The following TG variants were observed in gnomAD, a reference collection of about 807,000 sequenced individuals.
The protein encoded by TG is thyroglobulin, also known as thyroid hormones.
TG carries 270 observed loss-of-function variants against 324.7 expected under a neutral mutation model. The ratio of observed to expected loss-of-function variants is 0.83; its 90% confidence interval spans 0.75 to 0.92. TG has a LOEUF of 0.92. TG is among the 40% of genes least tolerant of loss of function. The pLI, the probability that TG is intolerant of heterozygous loss-of-function variation, is 0.00. For synonymous variants in TG, 1,401 were observed against 1,327.0 expected, an observed-to-expected ratio of 1.06 and a Z score of -1.21; for missense variants, 3,591 against 3,456.4, an observed-to-expected ratio of 1.04 and a Z score of -0.98.
At position 132,935,742 on chromosome 8, in the gene TG, C is replaced by G; in HGVS notation, c.4933-14C>G. The G allele has an allele frequency of 6.2e-7, 1 of 1,601,762 alleles. No individual in the cohort carries two copies. The highest frequency in any genetic ancestry group is 8.5e-7 in the Non-Finnish European group (1 of 1,169,934). On this transcript the variant is annotated splice_polypyrimidine_tract_variant and intron_variant, in intron 24 of 47. Transcript: ENST00000220616. ...GTATTGCAGGATAATAATGCAGCAT[C>G]TTTCCATCTCCAGAAACGAGATGCA...
chr8:132,967,144 T>TCCAC (rs777863839), intron 30 of TG, among the ~76,000 whole-genome samples: 34 of 148,608 alleles, frequency 2.3e-4, no homozygotes, highest in African/African-American at 8.3e-4. Flanking sequence ...CATCCATCCA[T>TCCAC]CCATCCATCC....
At chr8:133,123,696 A>G (rs1329615433) in intron 45 of TG, among the ~76,000 whole-genome samples, 2 of 149,050 alleles carry the variant, frequency 1.3e-5, no homozygotes, top group Non-Finnish European at 3.0e-5. Context: ...AAGGACTCAG[A>G]CCCTGTGGCC....
intron 42 of TG, among the ~76,000 whole-genome samples, chr8:133,095,906 T>C (rs1284423953): frequency 6.6e-6 from 1 of 152,144 alleles, no homozygotes; most frequent in East Asian, 1.9e-4. Flanking sequence ...TCAACCACTG[T>C]CTCCTCCTGC....
chr8:132,912,672 G>A (rs1039205559), intron 19 of TG, among the ~76,000 whole-genome samples: 1 of 152,122 alleles, frequency 6.6e-6, no homozygotes, highest in Non-Finnish European at 1.5e-5. Flanking sequence ...TTTTTCAGGT[G>A]GGAAAACTAA....
At chr8:133,134,499 C>T (rs557646538) in intron 47 of TG, among the ~76,000 whole-genome samples, 177 bp from the exon 48 acceptor site, 38 of 152,334 alleles carry the variant, frequency 2.5e-4, no homozygotes, top group African/African-American at 8.9e-4. Context: ...GTACCCTTAG[C>T]ATGTCCCTAT....
At chr8:132,992,692 A>C (rs182985659) in intron 35 of TG, among the ~76,000 whole-genome samples, 1 of 152,178 alleles carries the variant, frequency 6.6e-6, no homozygotes, top group Admixed American at 6.5e-5. Context: ...TGGCAGAGAG[A>C]CCACTGTCAG....
At chr8:132,967,748 T>G in intron 30 of TG, 46 bp from the exon 31 acceptor site, 1 of 1,607,500 alleles carries the variant, frequency 6.2e-7, no homozygotes. Flanking sequence ...TATTCTCCCC[T>G]GTAGACCCCA....
At chr8:133,067,145 C>T (rs1008150045) in intron 41 of TG, among the ~76,000 whole-genome samples, 9 of 152,148 alleles carry the variant, frequency 5.9e-5, no homozygotes, top group African/African-American at 9.6e-5. Context: ...GCAGGATTTC[C>T]GGGGTCACCC....
At chr8:132,990,891 A>G (rs1043530257) in intron 35 of TG, among the ~76,000 whole-genome samples, 1 of 149,752 alleles carries the variant, frequency 6.7e-6, no homozygotes, top group Non-Finnish European at 1.5e-5. Flanking sequence ...TCATACTCTG[A>G]GATGAAGTTT....
intron 27 of TG, among the ~76,000 whole-genome samples, chr8:132,954,366 A>C (rs1189933372): frequency 6.6e-6 from 1 of 152,214 alleles, no homozygotes; most frequent in Non-Finnish European, 1.5e-5. Context: ...ATCAACCATG[A>C]GACAAAGATT....
At chr8:133,022,221 A>G (rs1835632554) in intron 40 of TG, 71 bp downstream of exon 40, 2 of 1,598,510 alleles carry the variant, frequency 1.3e-6, no homozygotes, top group Admixed American at 1.7e-5. Context: ...CCCAAGACCC[A>G]TCCCCTCACT....
rs75322075 is a variant in TG at position 132,941,828 on chromosome 8, C to T, written c.5233+286C>T. ...TTTTACACACTGAGAAACTAAGGCT[C>T]AGATAATTTAAATCATTTGCTCATG... On this transcript the variant is annotated intron_variant, in intron 26 of 47. Transcript: ENST00000220616. 5.3e-5 allele frequency among the ~76,000 whole-genome samples: 8 copies of T among 152,284 alleles called. No individual in the cohort carries two copies. In the East Asian group the frequency reaches 1.5e-3, roughly 29 times the overall value.
intron 32 of TG, 51 bp from the exon 33 acceptor site, chr8:132,971,743 C>T (rs2130538961): frequency 7.4e-7 from 1 of 1,349,268 alleles, no homozygotes; most frequent in South Asian, 1.2e-5. Flanking sequence ...CCAGTAGGTC[C>T]TGGGTCACCA....
chr8:132,871,656 C>T, intron 4 of TG, 105 bp downstream of exon 4: 1 of 1,114,538 alleles, frequency 9.0e-7, no homozygotes, highest in East Asian at 2.5e-5. Flanking sequence ...GGGCAGAGAA[C>T]CAGGCCCTCA....
chr8:133,091,223 C>G (rs186413358), intron 41 of TG, among the ~76,000 whole-genome samples: 12 of 152,330 alleles, frequency 7.9e-5, no homozygotes, highest in Admixed American at 6.5e-4. Flanking sequence ...ATTAACTCCT[C>G]GATTCCACGA....
intron 34 of TG, among the ~76,000 whole-genome samples, chr8:132,980,431 G>A (rs1224631905): frequency 1.3e-5 from 2 of 151,982 alleles, no homozygotes; most frequent in South Asian, 2.1e-4. Context: ...GGGAGGGTGG[G>A]ACACCTAAAC....
At chr8:132,938,478 C>T (rs1823935392) in intron 25 of TG, among the ~76,000 whole-genome samples, 1 of 152,144 alleles carries the variant, frequency 6.6e-6, no homozygotes, top group Admixed American at 6.5e-5. Context: ...AAAGTGGAAC[C>T]TCCTCTGAGT....
chr8:132,952,908 G>A (rs1826327799), intron 27 of TG, among the ~76,000 whole-genome samples: 1 of 152,134 alleles, frequency 6.6e-6, no homozygotes, highest in Non-Finnish European at 1.5e-5. Context: ...GCTATCTTGT[G>A]GAAGCTCTCT....
Position 133,047,918 on chromosome 8 carries a change from G to A in TG, c.7239+17895G>A, listed in dbSNP as rs781127321. The A allele has an allele frequency of 1.9e-6, 3 of 1,608,908 alleles. No homozygotes were observed. In the Admixed American group the frequency reaches 5.0e-5, roughly 27 times the overall value. On this transcript the variant is annotated intron_variant, in intron 41 of 47. Coordinates refer to ENST00000220616, the MANE Select transcript of TG (RefSeq NM_003235.5). The stretch of plus-strand genomic sequence containing the variant: ...GCTCCTCGGCCTTGTCTCTGCCCAG[G>A]CCCTCAAACAGCCAGCTGGGAAGGA...
Sources: gnomAD v4.1 joint callset for allele counts (sites outside exome capture counted in the v4.1 genomes callset) on GRCh38, gnomAD v4.1.1 for gene constraint, MANE v1.5 for transcripts, NCBI Gene and HGNC (gene_info 2026-07-23, HGNC 2026-07-21) for gene names.